PCDHGA1: variants seen among roughly 807,000 people sequenced by gnomAD.
PCDHGA1 encodes the protein protocadherin gamma subfamily A, 1, also known as protocadherin gamma-A1.
In PCDHGA1, 32 loss-of-function variants were observed where a neutral mutation model predicts 58.0. The ratio of observed to expected loss-of-function variants is 0.55; its 90% confidence interval spans 0.42 to 0.74. The LOEUF (loss-of-function observed/expected upper bound fraction) is 0.74. PCDHGA1 is among the 30% of genes least tolerant of loss of function. The probability of loss-of-function intolerance (pLI) is 0.00; values close to 1 mark genes in which losing one functional copy is unlikely to be tolerated. For missense variants in PCDHGA1, 1,205 were observed against 1,182.3 expected, an observed-to-expected ratio of 1.02 and a Z score of -0.28; for synonymous variants, 498 against 501.1, an observed-to-expected ratio of 0.99 and a Z score of 0.08.
chr5:141,461,392 A>G (rs781666201), intron 1 of PCDHGA1, among the ~76,000 whole-genome samples: 18 of 152,178 alleles, frequency 1.2e-4, no homozygotes, highest in Non-Finnish European at 2.2e-4. Context: ...ATGATTAGCG[A>G]TGTTGAGCAT....
In PCDHGA1 at chr5:141,489,645, C is replaced by T; in HGVS notation, c.2422-5162C>T. 1.2e-6 allele frequency: 2 copies of T among 1,614,156 alleles called. No homozygotes were observed. The highest frequency in any genetic ancestry group is 2.7e-5 in the African/African-American group (2 of 75,022). On this transcript the variant is annotated intron_variant, in intron 1 of 3. Transcript: ENST00000517417. This position sits in a 1 kb window ranked among gnomAD's most constrained non-coding sequence, Gnocchi z 4.5. ...ATGACAACTCTCCTAGCTTTGCCAC[C>T]CCTGAGCGAGAGATGCGCATCTCAG...
At chr5:141,494,188 T>C (rs2099752632) in intron 1 of PCDHGA1, among the ~76,000 whole-genome samples, 1 of 152,186 alleles carries the variant, frequency 6.6e-6, no homozygotes, top group South Asian at 2.1e-4. Flanking sequence ...GTCCCGGGAC[T>C]TGGATGCCCC....
intron 1 of PCDHGA1, chr5:141,365,994 A>G: frequency 6.2e-7 from 1 of 1,614,260 alleles, no homozygotes; most frequent in Non-Finnish European, 8.5e-7. Flanking sequence ...GTGCTGGACC[A>G]GAACGACAAT....
intron 1 of PCDHGA1, chr5:141,422,819 TGAGA>T (rs766395950): frequency 6.2e-7 from 1 of 1,614,188 alleles, no homozygotes; most frequent in African/African-American, 1.3e-5. Flanking sequence ...GACTTAGAAC[TGAGA>T]GTGATAGCAC....
chr5:141,358,588 T>C (rs73265833), intron 1 of PCDHGA1, among the ~76,000 whole-genome samples: 1 of 152,378 alleles, frequency 6.6e-6, no homozygotes, highest in African/African-American at 2.4e-5. Context: ...ATTCCTCTGG[T>C]GCACTCCTGT....
intron 1 of PCDHGA1, chr5:141,403,649 T>C: frequency 6.2e-7 from 1 of 1,613,874 alleles, no homozygotes; most frequent in Non-Finnish European, 8.5e-7. Context: ...TGTGACAGTG[T>C]TGGATACAAA....
At position 141,394,009 on chromosome 5, in the gene PCDHGA1, G is replaced by C. The variant is rs1554094356; in HGVS notation, c.2421+60904G>C. The C allele has an allele frequency of 1.2e-6, 2 of 1,613,394 alleles. No homozygotes were observed. Among genetic ancestry groups the C allele is most frequent in the Admixed American group, 3.3e-5 (2 of 59,950 alleles). On this transcript the variant is annotated intron_variant, in intron 1 of 3. Coordinates refer to ENST00000517417, the MANE Select transcript of PCDHGA1 (RefSeq NM_018912.3). ...CCTTTTAAATTAGAAAAGTCAATAG[G>C]TAATTATTATAGATTAGTGACAAGG... is the stretch of plus-strand genomic sequence containing the variant.
Position 141,491,057 on chromosome 5 carries a change from CCTA to C in PCDHGA1, c.2422-3747_2422-3745del. On this transcript the variant is annotated intron_variant, in intron 1 of 3. Coordinates refer to ENST00000517417, the MANE Select transcript of PCDHGA1 (RefSeq NM_018912.3). The surrounding 1 kb of genome is among the most constrained non-coding windows in gnomAD (Gnocchi z 6.9). ...GATGCAGGCCACAATGCGTGGCTCTCCTACTCACTGTTGCCACAGTCCACAGCC... is the reference window on the plus strand; with the variant it reads ...GATGCAGGCCACAATGCGTGGCTCTCCTCACTGTTGCCACAGTCCACAGCC... 6.2e-7 allele frequency: 1 copy of C among 1,614,208 alleles called. No homozygotes were observed. The highest frequency in any genetic ancestry group is 8.5e-7 in the Non-Finnish European group (1 of 1,180,022).
intron 1 of PCDHGA1, chr5:141,361,756 G>A (rs1588567192): frequency 6.2e-7 from 1 of 1,613,066 alleles, no homozygotes; most frequent in Non-Finnish European, 8.5e-7. Flanking sequence ...GGGCTCGCCC[G>A]CGCTCAGCGC....
At chr5:141,375,705 C>G (rs1257909608) in intron 1 of PCDHGA1, 26 of 1,614,162 alleles carry the variant, frequency 1.6e-5, no homozygotes, top group Non-Finnish European at 2.1e-5. Context: ...GGGGACCCGC[C>G]TCTTAGCAGC....
intron 1 of PCDHGA1, among the ~76,000 whole-genome samples, chr5:141,469,029 C>A (rs2099189188): frequency 6.6e-6 from 1 of 152,052 alleles, no homozygotes; most frequent in Non-Finnish European, 1.5e-5. Flanking sequence ...GTAATCCCAG[C>A]ACTTTGGGAG....
At chr5:141,428,142 C>T in intron 1 of PCDHGA1, 1 of 1,594,260 alleles carries the variant, frequency 6.3e-7, no homozygotes, top group Non-Finnish European at 8.6e-7. Flanking sequence ...CCTGGGGCTG[C>T]ACACGGGAAC....
At chr5:141,510,580 G>A (rs947369646) in intron 3 of PCDHGA1, among the ~76,000 whole-genome samples, 7 of 152,248 alleles carry the variant, frequency 4.6e-5, no homozygotes, top group South Asian at 2.1e-4. Flanking sequence ...ACTATTTTAC[G>A]TACCTGACAT....
At chr5:141,427,880 C>G in intron 1 of PCDHGA1, 5 of 1,563,170 alleles carry the variant, frequency 3.2e-6, no homozygotes, top group Non-Finnish European at 3.5e-6. Context: ...CGATGCAGGC[C>G]CACGACCAGG....
intron 1 of PCDHGA1, chr5:141,409,596 AC>A: frequency 6.2e-7 from 1 of 1,613,714 alleles, no homozygotes; most frequent in Non-Finnish European, 8.5e-7. Flanking sequence ...GCCGAGAACA[AC>A]CCGCCAGGAG....
chr5:141,436,298 T>C (rs1480546595), intron 1 of PCDHGA1, among the ~76,000 whole-genome samples: 3 of 152,186 alleles, frequency 2.0e-5, no homozygotes, highest in Non-Finnish European at 4.4e-5. Flanking sequence ...CATTGAGAGT[T>C]AGAGCATGAA....
At chr5:141,341,688 T>TTTTTTTTAATGATA in intron 1 of PCDHGA1, 1 of 571,108 alleles carries the variant, frequency 1.8e-6, no homozygotes, top group Non-Finnish European at 3.0e-6. Flanking sequence ...TTCTTCTCCA[T>TTTTTTTTAATGATA]CCCTGGGCAA....
chr5:141,374,565 A>C, intron 1 of PCDHGA1: 1 of 1,613,688 alleles, frequency 6.2e-7, no homozygotes, highest in Non-Finnish European at 8.5e-7. Context: ...TATGACCCTG[A>C]TGTGGGAATG....
chr5:141,478,509 G>C, intron 1 of PCDHGA1: 1 of 1,611,878 alleles, frequency 6.2e-7, no homozygotes, highest in Non-Finnish European at 8.5e-7. Context: ...GTGTTCTATA[G>C]GCAGGTGTTG....
Sources: gnomAD v4.1 joint callset for allele counts (sites outside exome capture counted in the v4.1 genomes callset) on GRCh38, gnomAD v4.1.1 for gene constraint, Gnocchi (gnomAD v3.1) non-coding constraint, MANE v1.5 for transcripts, NCBI Gene and HGNC (gene_info 2026-07-23, HGNC 2026-07-21) for gene names.